The following TRAPPC9 variants were observed in gnomAD, a reference collection of about 807,000 sequenced individuals.
The protein encoded by TRAPPC9 is trafficking protein particle complex subunit 9.
Under a neutral mutation model 124.0 loss-of-function variants are expected in TRAPPC9, and 83 were observed. The ratio of observed to expected loss-of-function variants is 0.67; its 90% CI spans 0.56 to 0.80. The LOEUF (loss-of-function observed/expected upper bound fraction) is 0.80. Ranked by LOEUF, TRAPPC9 falls within the 30% of genes least tolerant of loss-of-function variation. The pLI is 0.00. For missense variants in TRAPPC9, 1,302 were observed against 1,508.3 expected (o/e 0.86, Z 2.27); for synonymous variants, 638 against 617.5 (o/e 1.03, Z -0.49).
chr8:140,370,634 T>C (rs962564618), intron 8 of TRAPPC9, among the ~76,000 whole-genome samples: 30 of 152,242 alleles, frequency 2.0e-4, no homozygotes, highest in African/African-American at 4.1e-4. Flanking sequence ...TCTGGGTTCA[T>C]TGATTTGTGC....
At chr8:140,307,110 G>A (rs2066159371) in intron 10 of TRAPPC9, among the ~76,000 whole-genome samples, 1 of 152,224 alleles carries the variant, frequency 6.6e-6, no homozygotes, top group South Asian at 2.1e-4. Flanking sequence ...AAAAGCAAAA[G>A]GACATTGTCC....
intron 7 of TRAPPC9, among the ~76,000 whole-genome samples, chr8:140,373,160 C>T (rs1182465416): frequency 6.6e-6 from 1 of 152,240 alleles, no homozygotes; most frequent in Non-Finnish European, 1.5e-5. Context: ...GCAAAACAAG[C>T]TAAGACTCCT....
intron 17 of TRAPPC9, among the ~76,000 whole-genome samples, chr8:140,062,489 T>C (rs1317672054): frequency 2.0e-5 from 3 of 152,146 alleles, no homozygotes; most frequent in African/African-American, 7.2e-5. Flanking sequence ...CAGCTGCTGC[T>C]TCTCCCTGCC....
chr8:139,791,437 TGTGCACAGACTCACGGGTACCCGTCTCCC>T (rs934632981), intron 21 of TRAPPC9, among the ~76,000 whole-genome samples: 36 of 146,850 alleles, frequency 2.5e-4, no homozygotes, highest in Non-Finnish European at 4.9e-4. Flanking sequence ...GTGTGTCTCC[TGTGCACAGACTCACGGGTACCCGTCTCCC>T]GTGCACAGAC....
intron 17 of TRAPPC9, among the ~76,000 whole-genome samples, chr8:140,074,503 G>C (rs1843378052): frequency 6.6e-6 from 1 of 152,242 alleles, no homozygotes; most frequent in Admixed American, 6.5e-5. Flanking sequence ...CGTAGGGGAA[G>C]GAAGGAGATG....
Position 140,404,762 on chromosome 8 carries a change from ATG to A in TRAPPC9, c.1008+813_1008+814del, listed in dbSNP as rs199786647. On this transcript the variant is annotated intron_variant, in intron 6 of 22. Transcript: ENST00000438773. Reference sequence around the variant, plus strand: ...CACGCGTGAGCATGTGTGTACGTGCATGTGTGTGCGTGTGTGAGCATGCTTGT... The same window carrying A: ...CACGCGTGAGCATGTGTGTACGTGCATGTGTGCGTGTGTGAGCATGCTTGT... Among the ~76,000 whole-genome samples, 1,007 of 149,820 alleles carry A rather than the reference ATG, an allele frequency of 6.7e-3. 6 individuals are homozygous for A. The highest frequency in any genetic ancestry group is 0.055 in the East Asian group (281 of 5,074).
intron 8 of TRAPPC9, among the ~76,000 whole-genome samples, chr8:140,363,689 C>T (rs970955486): frequency 1.3e-5 from 2 of 152,046 alleles, no homozygotes; most frequent in African/African-American, 4.8e-5. Context: ...CTTATGCCTC[C>T]CAGGTTCAAG....
chr8:139,745,749 G>A (rs1325624861), intron 21 of TRAPPC9, among the ~76,000 whole-genome samples: 1 of 152,240 alleles, frequency 6.6e-6, no homozygotes, highest in Non-Finnish European at 1.5e-5. Context: ...GGATGGAGCG[G>A]GCAGTTGGGG....
intron 7 of TRAPPC9, among the ~76,000 whole-genome samples, chr8:140,391,919 G>A (rs533175871): frequency 1.3e-5 from 2 of 151,506 alleles, no homozygotes; most frequent in Admixed American, 1.3e-4. Context: ...CCAGCTACTC[G>A]GGAGGGTGAG....
chr8:140,047,363 C>T (rs1841670946), intron 17 of TRAPPC9, among the ~76,000 whole-genome samples: 1 of 152,216 alleles, frequency 6.6e-6, no homozygotes, highest in Admixed American at 6.5e-5. Context: ...GTCCGGGTTG[C>T]GCTAAGAGCC....
intron 21 of TRAPPC9, among the ~76,000 whole-genome samples, chr8:139,848,781 C>T (rs533548382): frequency 6.6e-6 from 1 of 152,272 alleles, no homozygotes; most frequent in East Asian, 1.9e-4. Flanking sequence ...TCTTTCTCTT[C>T]CCCGTAGGCA....
At chr8:139,965,786 G>GTGCAAGGGGAAATACAAACCA (rs1835665765) in intron 19 of TRAPPC9, among the ~76,000 whole-genome samples, 1 of 152,230 alleles carries the variant, frequency 6.6e-6, no homozygotes, top group Non-Finnish European at 1.5e-5. Flanking sequence ...GCTCCATGTT[G>GTGCAAGGGGAAATACAAACCA]AGCAGAGTTG....
chr8:139,964,224 C>CAAAAAAA (rs1008397834), intron 19 of TRAPPC9, among the ~76,000 whole-genome samples: 1 of 67,668 alleles, frequency 1.5e-5, no homozygotes, highest in African/African-American at 5.4e-5. Flanking sequence ...GACTCTGTCT[C>CAAAAAAA]AAAAAAAAAA....
intron 21 of TRAPPC9, among the ~76,000 whole-genome samples, chr8:139,747,314 G>A (rs1818965346): frequency 6.6e-6 from 1 of 151,994 alleles, no homozygotes; most frequent in Non-Finnish European, 1.5e-5. Context: ...TCAGCACCCA[G>A]GGGGTTTGGA....
At chr8:140,414,515 CAG>C (rs1256076143) in intron 5 of TRAPPC9, among the ~76,000 whole-genome samples, 1 of 152,080 alleles carries the variant, frequency 6.6e-6, no homozygotes, top group African/African-American at 2.4e-5. Context: ...GCCTGGGTGA[CAG>C]AGAGAGACCC....
rs73371755 is a variant in TRAPPC9 at position 139,984,160 on chromosome 8, G to A, written c.2810+4566C>T. ...ACTGGGGTTGGTCTCTCAGATTGCA[G>A]GCCACCTTTGAATGCCAGTTCTGCA... On this transcript the variant is annotated intron_variant, in intron 19 of 22. Coordinates refer to ENST00000438773, the MANE Select transcript of TRAPPC9 (RefSeq NM_001160372.4). The surrounding 1 kb of genome is among the most constrained non-coding windows in gnomAD (Gnocchi z 4.3). Among the ~76,000 whole-genome samples the A allele has an allele frequency of 2.2e-3, 336 of 152,238 alleles. 2 individuals are homozygous for A. Among genetic ancestry groups the A allele is most frequent in the African/African-American group, 6.7e-3 (280 of 41,556 alleles).
chr8:140,153,586 T>C (rs1355163934), intron 17 of TRAPPC9, among the ~76,000 whole-genome samples: 1 of 152,200 alleles, frequency 6.6e-6, no homozygotes. Flanking sequence ...TCTGCCTTAT[T>C]GACCTTTGTT....
At chr8:140,206,769 A>T (rs2062928759) in intron 17 of TRAPPC9, among the ~76,000 whole-genome samples, 1 of 151,614 alleles carries the variant, frequency 6.6e-6, no homozygotes. Context: ...ATATATATAT[A>T]TATATTTAAA....
chr8:140,119,449 C>T (rs576887019), intron 17 of TRAPPC9, among the ~76,000 whole-genome samples: 9 of 152,310 alleles, frequency 5.9e-5, no homozygotes, highest in African/African-American at 2.2e-4. Flanking sequence ...CACTCCACGC[C>T]TCACCCCGTG....
Sources: gnomAD v4.1 joint callset for allele counts (sites outside exome capture counted in the v4.1 genomes callset) on GRCh38, gnomAD v4.1.1 for gene constraint, Gnocchi (gnomAD v3.1) non-coding constraint, MANE v1.5 for transcripts, NCBI Gene and HGNC (gene_info 2026-07-23, HGNC 2026-07-21) for gene names.